AUTS2: variants seen among roughly 807,000 people sequenced by gnomAD.
The protein encoded by AUTS2 is activator of transcription and developmental regulator AUTS2.
Under a neutral mutation model 112.4 loss-of-function variants are expected in AUTS2, and 17 were observed. That is an observed-to-expected ratio of 0.15 (90% CI 0.10 to 0.23). AUTS2 has a LOEUF of 0.23. Ranked by LOEUF, AUTS2 falls within the 10% of genes least tolerant of loss-of-function variation. The pLI is 1.00. For synonymous variants in AUTS2, 751 were observed against 702.7 expected (o/e 1.07, Z -1.09); for missense variants, 1,510 against 1,701.6 (o/e 0.89, Z 1.98).
At chr7:70,273,355 C>CT (rs1214144189) in intron 4 of AUTS2, among the ~76,000 whole-genome samples, 4 of 152,048 alleles carry the variant, frequency 2.6e-5, no homozygotes, top group Non-Finnish European at 4.4e-5. Flanking sequence ...TTTTAAAGCT[C>CT]TTTTTTGTGA....
intron 4 of AUTS2, among the ~76,000 whole-genome samples, chr7:70,333,718 A>G (rs573832068): frequency 6.6e-5 from 10 of 152,332 alleles, no homozygotes; most frequent in Admixed American, 3.3e-4. Context: ...CAGAAAACCA[A>G]ACACCGCATG....
At chr7:69,906,654 A>G (rs1195016737) in intron 2 of AUTS2, among the ~76,000 whole-genome samples, 5 of 152,220 alleles carry the variant, frequency 3.3e-5, no homozygotes, top group Non-Finnish European at 7.3e-5. Flanking sequence ...GACGCAGGCA[A>G]TTCTGTGTGG....
chr7:70,310,135 T>G (rs1789670051), intron 4 of AUTS2, among the ~76,000 whole-genome samples: 1 of 145,958 alleles, frequency 6.9e-6, no homozygotes, highest in African/African-American at 2.5e-5. Flanking sequence ...AACTAAATCT[T>G]TTTTTTTTTT....
chr7:70,013,866 T>C (rs1025265956), intron 2 of AUTS2, among the ~76,000 whole-genome samples: 6 of 152,068 alleles, frequency 3.9e-5, no homozygotes, highest in African/African-American at 1.2e-4. Flanking sequence ...TACAGGCACG[T>C]ATCACCACGC....
At chr7:69,705,698 C>T (rs1017721268) in intron 1 of AUTS2, among the ~76,000 whole-genome samples, 1 of 152,106 alleles carries the variant, frequency 6.6e-6, no homozygotes, top group Non-Finnish European at 1.5e-5. Flanking sequence ...TGGCTATATT[C>T]GTTGGCTAGG....
At chr7:70,039,035 A>G (rs897886558) in intron 2 of AUTS2, among the ~76,000 whole-genome samples, 2 of 152,014 alleles carry the variant, frequency 1.3e-5, no homozygotes, top group Non-Finnish European at 2.9e-5. Flanking sequence ...CTGGGATTAC[A>G]GGTGTGAGTC....
intron 1 of AUTS2, among the ~76,000 whole-genome samples, chr7:69,627,721 T>C (rs1372199428): frequency 6.6e-6 from 1 of 152,056 alleles, no homozygotes; most frequent in Non-Finnish European, 1.5e-5. Flanking sequence ...CACGGTGTCC[T>C]GTGGATTGAG....
intron 2 of AUTS2, among the ~76,000 whole-genome samples, chr7:70,091,354 A>G (rs1803909587): frequency 1.3e-5 from 2 of 152,064 alleles, no homozygotes; most frequent in Non-Finnish European, 2.9e-5. Context: ...TTGTGGTTTT[A>G]TAGCTTTCAT....
At chr7:69,715,539 G>A (rs886498475) in intron 1 of AUTS2, among the ~76,000 whole-genome samples, 2 of 152,146 alleles carry the variant, frequency 1.3e-5, no homozygotes, top group Non-Finnish European at 1.5e-5. Flanking sequence ...TATGCTCAGT[G>A]AGCTCTTCCT....
chr7:69,806,271 T>A (rs1406966702), intron 1 of AUTS2, among the ~76,000 whole-genome samples: 1 of 139,784 alleles, frequency 7.2e-6, no homozygotes, highest in Non-Finnish European at 1.5e-5. Flanking sequence ...GAGGAAGATA[T>A]GAAGACAAAA....
chr7:70,661,899 A>C (rs1404897378), intron 5 of AUTS2, among the ~76,000 whole-genome samples: 1 of 152,110 alleles, frequency 6.6e-6, no homozygotes, highest in Non-Finnish European at 1.5e-5. Flanking sequence ...GGTCATGAAT[A>C]AAACTTAGAA....
At chr7:70,214,691 T>A (rs994123746) in intron 4 of AUTS2, among the ~76,000 whole-genome samples, 1 of 152,180 alleles carries the variant, frequency 6.6e-6, no homozygotes, top group Non-Finnish European at 1.5e-5. Flanking sequence ...TTTAAATTCG[T>A]GGTTTTCTCA....
chr7:70,174,461 A>G (rs1467899672), intron 4 of AUTS2, among the ~76,000 whole-genome samples: 1 of 152,230 alleles, frequency 6.6e-6, no homozygotes. Context: ...AAGATCATTG[A>G]TAAAGGTGGC....
At chr7:70,571,971 A>G (rs1443518054) in intron 5 of AUTS2, among the ~76,000 whole-genome samples, 2 of 152,178 alleles carry the variant, frequency 1.3e-5, no homozygotes, top group South Asian at 2.1e-4. Flanking sequence ...CACAGGGGGA[A>G]CTTGTCCATT....
intron 1 of AUTS2, among the ~76,000 whole-genome samples, chr7:69,816,694 CA>C (rs1238053857): frequency 2.6e-5 from 4 of 152,180 alleles, no homozygotes; most frequent in African/African-American, 9.7e-5. Context: ...ATCAAAATTA[CA>C]AGATGGGTTT....
At chr7:69,881,796 T>G (rs1247063318) in intron 1 of AUTS2, among the ~76,000 whole-genome samples, 2 of 152,100 alleles carry the variant, frequency 1.3e-5, no homozygotes, top group African/African-American at 4.8e-5. Context: ...TGCTGGAACT[T>G]TATATGGTGC....
chr7:69,606,044 C>A (rs1792695222), intron 1 of AUTS2, among the ~76,000 whole-genome samples: 1 of 152,068 alleles, frequency 6.6e-6, no homozygotes, highest in Admixed American at 6.5e-5. Context: ...ACTACTTGCA[C>A]CTTTTTTTTG....
At chr7:69,617,703 G>T (rs964989630) in intron 1 of AUTS2, among the ~76,000 whole-genome samples, 1 of 152,154 alleles carries the variant, frequency 6.6e-6, no homozygotes, top group African/African-American at 2.4e-5. Context: ...TGGAGCTCAC[G>T]TTATATTCTT....
At chr7:70,250,723 C>T (rs1786546801) in intron 4 of AUTS2, among the ~76,000 whole-genome samples, 1 of 152,044 alleles carries the variant, frequency 6.6e-6, no homozygotes, top group Non-Finnish European at 1.5e-5. Context: ...GCAACATTGA[C>T]AGAGGTAGAG....
Sources: allele counts gnomAD v4.1 joint callset (sites outside exome capture counted in the v4.1 genomes callset), GRCh38; gene constraint gnomAD v4.1.1; transcripts MANE v1.5; gene names NCBI Gene and HGNC (gene_info 2026-07-23, HGNC 2026-07-21).